Variants in HS6ST3 observed in about 807,000 individuals in gnomAD.
HS6ST3 encodes heparan sulfate 6-O-sulfotransferase 3.
Under a neutral mutation model 36.7 loss-of-function variants are expected in HS6ST3, and 12 were observed. The observed-to-expected ratio is 0.33, with a 90% CI of 0.21 to 0.53. The LOEUF is 0.53. Ranked by LOEUF, HS6ST3 falls within the 20% of genes least tolerant of loss-of-function variation. The pLI is 0.95. For synonymous variants in HS6ST3, 240 were observed against 257.5 expected (o/e 0.93, Z 0.65); for missense variants, 584 against 640.9 (o/e 0.91, Z 0.96).
At chr13:96,468,866 GA>G (rs1024820754) in intron 1 of HS6ST3, among the ~76,000 whole-genome samples, 9 of 152,200 alleles carry the variant, frequency 5.9e-5, no homozygotes, top group South Asian at 4.1e-4. Context: ...GGCAAGCCCT[GA>G]AAAAGGGCAT....
At chr13:96,791,497 C>G (rs1342288315) in intron 1 of HS6ST3, among the ~76,000 whole-genome samples, 1 of 151,644 alleles carries the variant, frequency 6.6e-6, no homozygotes, top group African/African-American at 2.4e-5. Flanking sequence ...GGCCAGGCAC[C>G]CACAAAAAAC....
chr13:96,539,364 T>C (rs2056168916), intron 1 of HS6ST3, among the ~76,000 whole-genome samples: 6 of 152,026 alleles, frequency 3.9e-5, no homozygotes, highest in Admixed American at 3.9e-4. Flanking sequence ...CACTTTTTTT[T>C]TTTCTTTTTG....
chr13:96,597,454 T>G (rs541291406), intron 1 of HS6ST3, among the ~76,000 whole-genome samples: 3 of 152,248 alleles, frequency 2.0e-5, no homozygotes, highest in Admixed American at 6.5e-5. Context: ...TTCATATTTT[T>G]TGCCATTTGT....
intron 1 of HS6ST3, among the ~76,000 whole-genome samples, chr13:96,668,779 CA>C (rs35044138): frequency 0.11 from 11,453 of 100,422 alleles, 970 homozygotes; most frequent in African/African-American, 0.27. Context: ...CTAGATATTT[CA>C]AAAAAAAAAA....
At chr13:96,155,326 A>G (rs889861579) in intron 1 of HS6ST3, among the ~76,000 whole-genome samples, 1 of 111,536 alleles carries the variant, frequency 9.0e-6, no homozygotes, top group Non-Finnish European at 1.9e-5. Context: ...TTTACAACAA[A>G]ATTCTAAATA....
chr13:96,284,738 G>A (rs2054792099), intron 1 of HS6ST3, among the ~76,000 whole-genome samples: 1 of 145,370 alleles, frequency 6.9e-6, no homozygotes, highest in Non-Finnish European at 1.5e-5. Flanking sequence ...TTTGTAAAGA[G>A]GATACTGGTC....
intron 1 of HS6ST3, among the ~76,000 whole-genome samples, chr13:96,495,015 G>T (rs1489862203): frequency 6.6e-6 from 1 of 152,076 alleles, no homozygotes; most frequent in Non-Finnish European, 1.5e-5. Flanking sequence ...TTTTCACCTT[G>T]TTTCTTTCCC....
intron 1 of HS6ST3, among the ~76,000 whole-genome samples, chr13:96,364,843 C>T (rs899475041): frequency 1.4e-4 from 22 of 152,108 alleles, no homozygotes; most frequent in African/African-American, 4.8e-4. Context: ...TTTAAGTCAA[C>T]GGCTGTTTCT....
chr13:96,792,964 A>G (rs979618050), intron 1 of HS6ST3, among the ~76,000 whole-genome samples: 1 of 152,028 alleles, frequency 6.6e-6, no homozygotes, highest in Non-Finnish European at 1.5e-5. Flanking sequence ...CCCTCTCGGC[A>G]CCACGCCAAT....
chr13:96,334,282 A>T (rs1193004733), intron 1 of HS6ST3, among the ~76,000 whole-genome samples: 1 of 152,152 alleles, frequency 6.6e-6, no homozygotes, highest in Non-Finnish European at 1.5e-5. Flanking sequence ...GGATCCTCCC[A>T]ATAGTGAGTT....
chr13:96,438,338 T>A (rs1043976534), intron 1 of HS6ST3, among the ~76,000 whole-genome samples: 1 of 152,240 alleles, frequency 6.6e-6, no homozygotes, highest in Non-Finnish European at 1.5e-5. Context: ...TCTTAGATTC[T>A]GACATAGTGT....
intron 1 of HS6ST3, among the ~76,000 whole-genome samples, chr13:96,325,563 G>A (rs1029601388): frequency 1.3e-5 from 2 of 152,150 alleles, no homozygotes; most frequent in East Asian, 1.9e-4. Context: ...AAGATTTAAA[G>A]TATATGGAAG....
chr13:96,328,646 T>C (rs1240900131), intron 1 of HS6ST3, among the ~76,000 whole-genome samples: 1 of 151,942 alleles, frequency 6.6e-6, no homozygotes, highest in Non-Finnish European at 1.5e-5. Flanking sequence ...AATTCTCTTT[T>C]TTGGTTGTGT....
intron 1 of HS6ST3, among the ~76,000 whole-genome samples, chr13:96,208,433 T>G (rs933459013): frequency 1.3e-5 from 2 of 152,210 alleles, no homozygotes; most frequent in African/African-American, 4.8e-5. Flanking sequence ...CAATTCTTTC[T>G]GTAGGATGAA....
intron 1 of HS6ST3, among the ~76,000 whole-genome samples, chr13:96,267,293 A>G (rs2054697138): frequency 6.6e-6 from 1 of 152,190 alleles, no homozygotes; most frequent in African/African-American, 2.4e-5. Context: ...CAGCATGAGA[A>G]TGGACTAACA....
intron 1 of HS6ST3, among the ~76,000 whole-genome samples, chr13:96,647,600 T>G (rs1353843862): frequency 6.6e-6 from 1 of 152,074 alleles, no homozygotes; most frequent in Non-Finnish European, 1.5e-5. Context: ...GAAAATCATA[T>G]GGTGTAAGTG....
intron 1 of HS6ST3, among the ~76,000 whole-genome samples, chr13:96,367,709 A>C (rs2055269936): frequency 6.6e-6 from 1 of 152,240 alleles, no homozygotes; most frequent in African/African-American, 2.4e-5. Flanking sequence ...TTGCTGGTGC[A>C]AAGAATTCAA....
intron 1 of HS6ST3, among the ~76,000 whole-genome samples, chr13:96,388,302 G>T (rs1212395262): frequency 6.6e-6 from 1 of 152,172 alleles, no homozygotes; most frequent in African/African-American, 2.4e-5. Context: ...GTAATTAAAA[G>T]AATTTAATGT....
intron 1 of HS6ST3, among the ~76,000 whole-genome samples, chr13:96,786,184 ACT>A (rs1877643034): frequency 6.6e-6 from 1 of 151,490 alleles, no homozygotes; most frequent in Non-Finnish European, 1.5e-5. Flanking sequence ...GCAACAGAAC[ACT>A]CTTTCGCCAG....
Sources: allele counts gnomAD v4.1 joint callset (sites outside exome capture counted in the v4.1 genomes callset), GRCh38; gene constraint gnomAD v4.1.1; transcripts MANE v1.5; gene names NCBI Gene and HGNC (gene_info 2026-07-23, HGNC 2026-07-21).